The following CNOT9 variants were observed in gnomAD, a reference collection of about 807,000 sequenced individuals.
The protein encoded by CNOT9 is RCD1 required for cell differentiation1 homolog.
In CNOT9, 8 loss-of-function variants were observed where a neutral mutation model predicts 37.4. That is an observed-to-expected ratio of 0.21 (90% confidence interval 0.13 to 0.39). CNOT9 has a LOEUF of 0.39. Among genes scored for constraint, CNOT9 ranks in the 10% least tolerant of loss-of-function variants. The probability of loss-of-function intolerance (pLI) is 1.00; values close to 1 mark genes in which losing one functional copy is unlikely to be tolerated. For missense variants in CNOT9, 154 were observed against 365.3 expected (o/e 0.42, Z 4.71); for synonymous variants, 120 against 137.6 (o/e 0.87, Z 0.90).
intron 1 of CNOT9, chr2:218,574,144 A>T (rs998130003): frequency 7.1e-5 from 22 of 307,758 alleles, no homozygotes; most frequent in African/African-American, 5.0e-4. Context: ...TAATTTTTGT[A>T]TTTTTAGTAG....
intron 4 of CNOT9, among the ~76,000 whole-genome samples, chr2:218,585,877 A>G (rs1694578509): frequency 6.6e-6 from 1 of 152,046 alleles, no homozygotes; most frequent in African/African-American, 2.4e-5. Context: ...TCTGGGCTCA[A>G]GTGGTTCTCC....
intron 5 of CNOT9, among the ~76,000 whole-genome samples, chr2:218,588,134 A>G (rs1171032743): frequency 6.6e-6 from 1 of 152,116 alleles, no homozygotes; most frequent in African/African-American, 2.4e-5. Flanking sequence ...TCAGACCTCC[A>G]TTGCCATAGT....
At chr2:218,573,523 A>G (rs986112285) in intron 1 of CNOT9, among the ~76,000 whole-genome samples, 17 of 152,238 alleles carry the variant, frequency 1.1e-4, no homozygotes, top group African/African-American at 3.6e-4. Context: ...GAAAATAAAC[A>G]GCTATTTTGG....
intron 1 of CNOT9, among the ~76,000 whole-genome samples, chr2:218,576,051 T>C (rs1280771772): frequency 1.3e-5 from 2 of 152,194 alleles, no homozygotes; most frequent in Non-Finnish European, 2.9e-5. Context: ...GTTGTGATCA[T>C]TAAATGAAAC....
chr2:218,592,268 C>G lies in CNOT9; in HGVS notation c.541-36C>G. 1 of 1,476,672 alleles carries G rather than the reference C, an allele frequency of 6.8e-7. No homozygotes were observed. Among genetic ancestry groups the G allele is most frequent in the African/African-American group, 1.4e-5 (1 of 71,936 alleles). 91.5% of individuals were successfully genotyped at this position (1,476,672 alleles called of 1,614,324 possible). The stretch of plus-strand genomic sequence containing the variant: ...AGAAAATGAGAAGATTAAATCTGAG[C>G]AACTTTATAAACTCTTCGATTTTGT... On this transcript the variant is annotated intron_variant, in intron 5 of 7. Coordinates refer to ENST00000273064, the MANE Select transcript of CNOT9 (RefSeq NM_005444.3). The surrounding 1 kb of genome is among the most constrained non-coding windows in gnomAD (Gnocchi z 4.1).
chr2:218,593,396 G>T (rs1694844533), intron 7 of CNOT9: 1 of 512,256 alleles, frequency 2.0e-6, no homozygotes, highest in South Asian at 4.7e-5. Context: ...TTCTTCAGTG[G>T]TTCTTGTTTC....
At chr2:218,570,738 A>T (rs1693960917) in intron 1 of CNOT9, among the ~76,000 whole-genome samples, 1 of 152,192 alleles carries the variant, frequency 6.6e-6, no homozygotes, top group Non-Finnish European at 1.5e-5. Flanking sequence ...CTCTGTAGCT[A>T]TTCCTTTTAT....
chr2:218,579,169 T>C (rs1694279856), intron 1 of CNOT9, among the ~76,000 whole-genome samples: 1 of 152,170 alleles, frequency 6.6e-6, no homozygotes, highest in Admixed American at 6.5e-5. Flanking sequence ...TGCAAAAGGT[T>C]TTAGTGTAAA....
rs766798627 is a variant in CNOT9, at chr2:218,591,741, TA to T, written c.541-550del. Among the ~76,000 whole-genome samples, 889 of 129,112 alleles carry T rather than the reference TA, an allele frequency of 6.9e-3. 1 individual carries two copies. The highest frequency in any genetic ancestry group is 9.8e-3 in the Non-Finnish European group (591 of 60,198). The allele number at this position is 129,112 out of a possible 152,430, so 84.7% of individuals were successfully genotyped here. ...CTGGGCGACAGAGTGAGACTCCATC[TA>T]AAAAAAAAAAAAGAAAAGAAAAAAG... On this transcript the variant is annotated intron_variant, in intron 5 of 7. Transcript: ENST00000273064.
rs1694792969 is a variant in CNOT9, at chr2:218,592,003, A to G, written c.541-301A>G. Among the ~76,000 whole-genome samples, 1 of 152,208 alleles carries G rather than the reference A, an allele frequency of 6.6e-6. No homozygotes were observed. The highest frequency in any genetic ancestry group is 1.5e-5 in the Non-Finnish European group (1 of 68,038). On this transcript the variant is annotated intron_variant, in intron 5 of 7. Coordinates refer to ENST00000273064, the MANE Select transcript of CNOT9 (RefSeq NM_005444.3). This position sits in a 1 kb window ranked among gnomAD's most constrained non-coding sequence, Gnocchi z 4.1. ...CTGAGTTTTTAAGAATTTGATAATT[A>G]CACGGAACCTACCCTTGTATGTAAA...
At chr2:218,582,848 GTTC>G (rs2106088635) in intron 2 of CNOT9, 120 bp from the exon 3 acceptor site, 1 of 625,392 alleles carries the variant, frequency 1.6e-6, no homozygotes, top group East Asian at 2.7e-5. Flanking sequence ...TGATGACTGA[GTTC>G]TTAAAAGATG....
intron 1 of CNOT9, among the ~76,000 whole-genome samples, chr2:218,575,462 G>A (rs1469424377): frequency 6.7e-6 from 1 of 148,554 alleles, no homozygotes. Context: ...CTGGAGTACA[G>A]TGGTGCAATC....
chr2:218,580,623 G>C lies in CNOT9; in HGVS notation c.87G>C (p.Leu29=). ...REKIYQWINE[L]SSPETRENAL... ...AGATCTATCAGTGGATCAATGAGCT[G>C]TCCAGTCCTGAGACTAGGGAAAATG... Residue 29 remains leucine, a synonymous_variant, in exon 2 of 8, where the codon CTG becomes CTC. Transcript: ENST00000273064. 1.9e-6 allele frequency: 3 copies of C among 1,614,044 alleles called. No homozygotes were observed. The highest frequency in any genetic ancestry group is 2.5e-6 in the Non-Finnish European group (3 of 1,179,896).
intron 1 of CNOT9, among the ~76,000 whole-genome samples, chr2:218,580,193 T>C (rs1348704154): frequency 6.6e-6 from 1 of 152,062 alleles, no homozygotes; most frequent in African/African-American, 2.4e-5. Flanking sequence ...GGTCTCAAAC[T>C]CCTGACCTCA....
chr2:218,591,581 A>G (rs1375081865), intron 5 of CNOT9, among the ~76,000 whole-genome samples: 2 of 152,082 alleles, frequency 1.3e-5, no homozygotes, highest in African/African-American at 2.4e-5. Context: ...CGTCTCTACT[A>G]AAAATACCAA....
intron 1 of CNOT9, among the ~76,000 whole-genome samples, chr2:218,574,587 C>G (rs1350661855): frequency 6.6e-6 from 1 of 152,198 alleles, no homozygotes; most frequent in Admixed American, 6.5e-5. Flanking sequence ...CAGTCTCATT[C>G]TGCTGTACAC....
At chr2:218,573,901 A>C in intron 1 of CNOT9, 2 of 297,978 alleles carry the variant, frequency 6.7e-6, no homozygotes, top group South Asian at 2.5e-5. Flanking sequence ...GTTACCACCT[A>C]AATTTTGATA....
At chr2:218,593,862 C>A in intron 7 of CNOT9, 2 of 1,210,238 alleles carry the variant, frequency 1.7e-6, no homozygotes, top group Non-Finnish European at 2.2e-6. Context: ...ACTATTGAAC[C>A]TTTTAATTTT....
At chr2:218,577,426 A>C (rs1694210669) in intron 1 of CNOT9, among the ~76,000 whole-genome samples, 1 of 152,212 alleles carries the variant, frequency 6.6e-6, no homozygotes, top group Admixed American at 6.5e-5. Context: ...CATGGGGGCC[A>C]CATTACCACC....
Sources: allele counts gnomAD v4.1 joint callset (sites outside exome capture counted in the v4.1 genomes callset), GRCh38; gene constraint gnomAD v4.1.1; non-coding constraint Gnocchi (gnomAD v3.1); transcripts MANE v1.5; gene names NCBI Gene and HGNC (gene_info 2026-07-23, HGNC 2026-07-21).